AAK1: variants seen among roughly 807,000 people sequenced by gnomAD.
AAK1 encodes the protein AP2 associated kinase 1.
AAK1 carries 37 observed loss-of-function variants against 116.0 expected under a neutral mutation model. That is an observed-to-expected ratio of 0.32 (90% confidence interval 0.25 to 0.42). The LOEUF is 0.42. Among genes scored for constraint, AAK1 ranks in the 10% least tolerant of loss-of-function variants. The pLI is 1.00. For synonymous variants in AAK1, 458 were observed against 439.9 expected, an observed-to-expected ratio of 1.04 and a Z score of -0.51; for missense variants, 919 against 1,170.6, an observed-to-expected ratio of 0.79 and a Z score of 3.14.
chr2:69,547,047 G>A (rs1670955933), intron 3 of AAK1, among the ~76,000 whole-genome samples: 1 of 150,048 alleles, frequency 6.7e-6, no homozygotes, highest in African/African-American at 2.5e-5. Context: ...CAATTCAATG[G>A]GTGAAAAATG....
In AAK1 at chr2:69,471,149, G is replaced by C; in HGVS notation, c.*4720C>G. On this transcript the variant is annotated 3_prime_UTR_variant, in exon 22 of 22. Transcript: ENST00000409085. ...AAGGAGAGTGCAATAGGGCAGAGTA[G>C]AATACTCACAGGAAAAGAGTAAATT... is the stretch of plus-strand genomic sequence containing the variant. 5.1e-6 allele frequency: 5 copies of C among 985,630 alleles called. No homozygotes were observed. Among genetic ancestry groups the C allele is most frequent in the Non-Finnish European group, 6.0e-6 (5 of 829,910 alleles). 61.1% of individuals were successfully genotyped at this position (985,630 alleles called of 1,614,324 possible). A position where few individuals can be genotyped will look rare whatever the true frequency, so the allele number is the denominator to read the frequency against.
chr2:69,510,972 T>C (rs895499624), intron 13 of AAK1, among the ~76,000 whole-genome samples: 2 of 152,186 alleles, frequency 1.3e-5, no homozygotes, highest in Non-Finnish European at 2.9e-5. Flanking sequence ...GGTGAGAATA[T>C]CCTTGTGACC....
intron 8 of AAK1, among the ~76,000 whole-genome samples, chr2:69,529,519 G>A (rs530814992): frequency 6.6e-6 from 1 of 152,164 alleles, no homozygotes; most frequent in East Asian, 1.9e-4. Context: ...AGAAAGCATT[G>A]AGTTTAGATG....
intron 18 of AAK1, 37 bp downstream of exon 18, chr2:69,482,674 T>C (rs55907312): frequency 6.0e-6 from 9 of 1,505,102 alleles, no homozygotes; most frequent in Non-Finnish European, 7.4e-6. Flanking sequence ...GGCACACATA[T>C]CATGCATGAC....
At chr2:69,638,495 G>C (rs1675548858) in intron 2 of AAK1, among the ~76,000 whole-genome samples, 1 of 152,144 alleles carries the variant, frequency 6.6e-6, no homozygotes, top group Non-Finnish European at 1.5e-5. Flanking sequence ...TCTTTCAAAA[G>C]GCCCAGGGCC....
chr2:69,568,491 T>G (rs372399889), intron 2 of AAK1, among the ~76,000 whole-genome samples: 6 of 149,450 alleles, frequency 4.0e-5, no homozygotes, highest in African/African-American at 1.5e-4. Context: ...AGTGCAGTGG[T>G]GCAATCATGG....
At chr2:69,501,174 T>C (rs1675966931) in intron 16 of AAK1, among the ~76,000 whole-genome samples, 1 of 152,204 alleles carries the variant, frequency 6.6e-6, no homozygotes, top group African/African-American at 2.4e-5. Flanking sequence ...GTCAACTATG[T>C]GGCACATCAA....
At chr2:69,603,277 TAG>T (rs1673658023) in intron 2 of AAK1, among the ~76,000 whole-genome samples, 2 of 152,274 alleles carry the variant, frequency 1.3e-5, no homozygotes, top group East Asian at 3.9e-4. Context: ...GTGGGTAGAA[TAG>T]AGTTTCCTCA....
chr2:69,461,595 ATT>A lies in AAK1; in HGVS notation c.*14272_*14273del, dbSNP rs201581559. ...TCCACCCATCATGTCTCCAGTGACA[ATT>A]TTTTTTTTTTTTTTGAGGCGGAGTT... On this transcript the variant is annotated 3_prime_UTR_variant, in exon 22 of 22. Transcript: ENST00000409085. 5,901 of 368,652 alleles carry A rather than the reference ATT, an allele frequency of 0.016. 58 individuals are homozygous for A. Among genetic ancestry groups the A allele is most frequent in the African/African-American group, 0.057 (2,477 of 43,346 alleles). 22.8% of individuals were successfully genotyped at this position (368,652 alleles called of 1,614,324 possible).
chr2:69,593,836 G>A (rs930251494), intron 2 of AAK1, among the ~76,000 whole-genome samples: 1 of 152,198 alleles, frequency 6.6e-6, no homozygotes, highest in Admixed American at 6.5e-5. Flanking sequence ...GAGGCTACTA[G>A]AGTGTACAAT....
In AAK1 at chr2:69,475,844, A is replaced by C; in HGVS notation, c.*25T>G. The C allele has an allele frequency of 1.9e-6, 3 of 1,604,220 alleles. No homozygotes were observed. In the South Asian group the frequency reaches 3.4e-5, roughly 18 times the overall value. ...GTATTTTACGGTATGAAGGTTACAG[A>C]ACTGCATCTGCTACTGGGTCACGGC... On this transcript the variant is annotated 3_prime_UTR_variant, in exon 22 of 22. Coordinates refer to ENST00000409085, the MANE Select transcript of AAK1 (RefSeq NM_014911.5).
chr2:69,596,775 T>C (rs372946701), intron 2 of AAK1, among the ~76,000 whole-genome samples: 1 of 152,136 alleles, frequency 6.6e-6, no homozygotes. Flanking sequence ...AGGAGCCTGG[T>C]GGAGCTGTGG....
At chr2:69,531,040 T>C (rs1422277097) in intron 6 of AAK1, among the ~76,000 whole-genome samples, 1 of 152,136 alleles carries the variant, frequency 6.6e-6, no homozygotes, top group Non-Finnish European at 1.5e-5. Flanking sequence ...ATTTTGTCAA[T>C]TTGTTGTTTT....
chr2:69,542,242 C>G (rs958186749), intron 5 of AAK1, among the ~76,000 whole-genome samples: 1 of 152,152 alleles, frequency 6.6e-6, no homozygotes, highest in Admixed American at 6.5e-5. Flanking sequence ...TTACTTTTCA[C>G]AATCCTGAAA....
chr2:69,550,776 C>G (rs998066826), intron 3 of AAK1, among the ~76,000 whole-genome samples: 2 of 152,010 alleles, frequency 1.3e-5, no homozygotes, highest in South Asian at 2.1e-4. Context: ...CAATCACGCC[C>G]GGCTAATTTT....
At chr2:69,535,423 T>C (rs1670422224) in intron 5 of AAK1, among the ~76,000 whole-genome samples, 1 of 152,086 alleles carries the variant, frequency 6.6e-6, no homozygotes. Flanking sequence ...TTTTCTAGGC[T>C]CTAGGGATAA....
intron 5 of AAK1, among the ~76,000 whole-genome samples, chr2:69,539,875 C>T (rs1670631455): frequency 6.6e-6 from 1 of 152,338 alleles, no homozygotes; most frequent in South Asian, 2.1e-4. Flanking sequence ...CCTGATCTCA[C>T]TATCTGGCCA....
At chr2:69,618,443 A>C (rs548860821) in intron 2 of AAK1, among the ~76,000 whole-genome samples, 1 of 152,292 alleles carries the variant, frequency 6.6e-6, no homozygotes, top group African/African-American at 2.4e-5. Context: ...TGCACCAGCC[A>C]ATATCACTTG....
At chr2:69,540,582 C>A (rs1175691039) in intron 5 of AAK1, among the ~76,000 whole-genome samples, 1 of 152,064 alleles carries the variant, frequency 6.6e-6, no homozygotes, top group African/African-American at 2.4e-5. Flanking sequence ...ACTAGGATGG[C>A]TAAAACAAAA....
Sources: gnomAD v4.1 joint callset for allele counts (sites outside exome capture counted in the v4.1 genomes callset) on GRCh38, gnomAD v4.1.1 for gene constraint, MANE v1.5 for transcripts, NCBI Gene and HGNC (gene_info 2026-07-23, HGNC 2026-07-21) for gene names.